Variants in ST8SIA4 observed in about 807,000 individuals in gnomAD.
The protein encoded by ST8SIA4 is CMP-N-acetylneuraminate-poly-alpha-2,8-sialyltransferase.
In ST8SIA4, 15 loss-of-function variants were observed where a neutral mutation model predicts 33.9. That is an observed-to-expected ratio of 0.44 (90% confidence interval 0.30 to 0.68). The LOEUF is 0.68. Ranked by LOEUF, ST8SIA4 falls within the 30% of genes least tolerant of loss-of-function variation. The pLI, the probability that ST8SIA4 is intolerant of heterozygous loss-of-function variation, is 0.10. For synonymous variants in ST8SIA4, 171 were observed against 151.2 expected (o/e 1.13, Z -0.96); for missense variants, 321 against 428.0 (o/e 0.75, Z 2.21).
intron 4 of ST8SIA4, among the ~76,000 whole-genome samples, chr5:100,828,365 T>G (rs149398493): frequency 1.3e-5 from 2 of 152,300 alleles, no homozygotes; most frequent in South Asian, 4.1e-4. Flanking sequence ...CATAGCTCCC[T>G]GAGAAAGCAA....
chr5:100,875,053 T>C (rs957848299), intron 3 of ST8SIA4, among the ~76,000 whole-genome samples: 1 of 152,190 alleles, frequency 6.6e-6, no homozygotes, highest in African/African-American at 2.4e-5. Flanking sequence ...TTCCATTTTA[T>C]GTGGCATTAA....
intron 2 of ST8SIA4, among the ~76,000 whole-genome samples, chr5:100,889,445 A>G (rs1193162971): frequency 1.3e-5 from 2 of 151,938 alleles, no homozygotes; most frequent in Non-Finnish European, 2.9e-5. Flanking sequence ...AGCTGCAGTG[A>G]GTAAACTAGT....
chr5:100,900,488 A>G (rs1037008063), intron 1 of ST8SIA4: 5 of 456,162 alleles, frequency 1.1e-5, no homozygotes, highest in African/African-American at 8.0e-5. Flanking sequence ...AAACGAAATA[A>G]TGAGCTCGGG....
At chr5:100,896,415 A>G (rs1311241764) in intron 1 of ST8SIA4, among the ~76,000 whole-genome samples, 1 of 152,166 alleles carries the variant, frequency 6.6e-6, no homozygotes. Context: ...ATAGAAGTAG[A>G]GAACAGAATA....
rs545402237 is a variant in ST8SIA4, at chr5:100,821,081, CTGAAGCATGA to C, written c.798-8962_798-8953del. On this transcript the variant is annotated intron_variant, in intron 4 of 4. Coordinates refer to ENST00000231461, the MANE Select transcript of ST8SIA4 (RefSeq NM_005668.6). The stretch of plus-strand genomic sequence containing the variant: ...TAGAAAAATAGAAAGGGATGGTCTT[CTGAAGCATGA>C]TGAAGGAGTTAAATTAGGTTAACAT... Among the ~76,000 whole-genome samples, 201 of 152,150 alleles carry C rather than the reference CTGAAGCATGA, an allele frequency of 1.3e-3. 1 individual carries two copies. Among genetic ancestry groups the C allele is most frequent in the Non-Finnish European group, 4.7e-4 (32 of 67,954 alleles).
At chr5:100,892,240 C>T (rs954679807) in intron 2 of ST8SIA4, among the ~76,000 whole-genome samples, 3 of 152,086 alleles carry the variant, frequency 2.0e-5, no homozygotes, top group Non-Finnish European at 4.4e-5. Flanking sequence ...TTGGACATAA[C>T]TACATAATCT....
chr5:100,819,967 AGT>A (rs1439923089), intron 4 of ST8SIA4, among the ~76,000 whole-genome samples: 2 of 152,192 alleles, frequency 1.3e-5, no homozygotes, highest in Non-Finnish European at 2.9e-5. Context: ...AGAGATTTGT[AGT>A]GTTAATAAAA....
At chr5:100,831,567 T>G (rs1161790976) in intron 4 of ST8SIA4, among the ~76,000 whole-genome samples, 1 of 152,044 alleles carries the variant, frequency 6.6e-6, no homozygotes, top group Non-Finnish European at 1.5e-5. Flanking sequence ...AAATAAATGT[T>G]CAATAAATGG....
At chr5:100,867,008 G>A (rs1752081097) in intron 3 of ST8SIA4, among the ~76,000 whole-genome samples, 1 of 152,054 alleles carries the variant, frequency 6.6e-6, no homozygotes, top group African/African-American at 2.4e-5. Flanking sequence ...GCATGTGATT[G>A]TTTTCCTTTT....
intron 4 of ST8SIA4, among the ~76,000 whole-genome samples, chr5:100,820,305 A>T (rs10478599): frequency 6.6e-6 from 1 of 151,938 alleles, no homozygotes; most frequent in African/African-American, 2.4e-5. Flanking sequence ...CTGACATAAC[A>T]TGCAGCATTT....
intron 4 of ST8SIA4, among the ~76,000 whole-genome samples, chr5:100,831,487 C>CT (rs1355271954): frequency 4.6e-5 from 7 of 151,902 alleles, no homozygotes; most frequent in African/African-American, 7.3e-5. Context: ...TTTTTTAATT[C>CT]TTTTTGAGGC....
intron 2 of ST8SIA4, among the ~76,000 whole-genome samples, chr5:100,887,268 G>T (rs1380032445): frequency 6.6e-6 from 1 of 152,014 alleles, no homozygotes; most frequent in Non-Finnish European, 1.5e-5. Flanking sequence ...GTAGCTAATT[G>T]TTCCTTAGTT....
intron 2 of ST8SIA4, among the ~76,000 whole-genome samples, chr5:100,892,463 A>AT (rs1199232762): frequency 6.6e-6 from 1 of 152,134 alleles, no homozygotes; most frequent in African/African-American, 2.4e-5. Flanking sequence ...CATCTCTCAT[A>AT]GACAATTGCA....
chr5:100,849,533 G>A (rs1751641637), intron 4 of ST8SIA4: 4 of 872,214 alleles, frequency 4.6e-6, no homozygotes, highest in Non-Finnish European at 5.5e-6. Context: ...TGTAATCCCC[G>A]CACTTTGGGA....
intron 4 of ST8SIA4, among the ~76,000 whole-genome samples, chr5:100,851,603 C>T (rs772051033): frequency 2.5e-4 from 38 of 152,024 alleles, no homozygotes; most frequent in Non-Finnish European, 3.8e-4. Context: ...TGTAGAGCTA[C>T]TACAATAAAA....
At chr5:100,900,501 A>G (rs1752884202) in intron 1 of ST8SIA4, 2 of 456,262 alleles carry the variant, frequency 4.4e-6, no homozygotes, top group Non-Finnish European at 4.4e-6. Context: ...AGCTCGGGTC[A>G]CAAGCTTTTC....
intron 3 of ST8SIA4, among the ~76,000 whole-genome samples, chr5:100,882,055 C>T (rs1256418821): frequency 2.0e-5 from 3 of 152,224 alleles, no homozygotes; most frequent in South Asian, 2.1e-4. Context: ...AATGTGAAAG[C>T]GACTTTGGAA....
At chr5:100,869,249 T>C (rs910183088) in intron 3 of ST8SIA4, among the ~76,000 whole-genome samples, 3 of 152,182 alleles carry the variant, frequency 2.0e-5, no homozygotes, top group Non-Finnish European at 4.4e-5. Context: ...TGTTTGGCTT[T>C]GGAGTACATT....
intron 4 of ST8SIA4, among the ~76,000 whole-genome samples, chr5:100,838,829 CTAGCAAA>C (rs1751414980): frequency 6.6e-6 from 1 of 151,916 alleles, no homozygotes; most frequent in Non-Finnish European, 1.5e-5. Flanking sequence ...TTTGAATAGA[CTAGCAAA>C]TATGTACAAT....
Sources: gnomAD v4.1 joint callset for allele counts (sites outside exome capture counted in the v4.1 genomes callset) on GRCh38, gnomAD v4.1.1 for gene constraint, MANE v1.5 for transcripts, NCBI Gene and HGNC (gene_info 2026-07-23, HGNC 2026-07-21) for gene names.